Variants in DPP10 observed in about 807,000 individuals in gnomAD.
The protein encoded by DPP10 is dipeptidyl peptidase like 10.
In DPP10, 33 loss-of-function variants were observed where a neutral mutation model predicts 120.9. The ratio of observed to expected loss-of-function variants is 0.27; its 90% CI spans 0.21 to 0.37. The LOEUF is 0.37. Among genes scored for constraint, DPP10 ranks in the 10% least tolerant of loss-of-function variants. The pLI, the probability that DPP10 is intolerant of heterozygous loss-of-function variation, is 1.00. For synonymous variants in DPP10, 337 were observed against 326.1 expected, an observed-to-expected ratio of 1.03 and a Z score of -0.36; for missense variants, 816 against 942.8, an observed-to-expected ratio of 0.87 and a Z score of 1.76.
intron 1 of DPP10, among the ~76,000 whole-genome samples, chr2:114,663,271 T>TATATATATAC (rs375462897): frequency 0.032 from 4,765 of 146,724 alleles, 175 homozygotes; most frequent in Admixed American, 0.1. Context: ...TATATATATA[T>TATATATATAC]ACACACACAT....
intron 1 of DPP10, among the ~76,000 whole-genome samples, chr2:114,905,149 ATTTC>A (rs1437763680): frequency 8.6e-5 from 13 of 151,376 alleles, no homozygotes; most frequent in African/African-American, 3.2e-4. Context: ...AATTCTAATA[ATTTC>A]TTTATATTTT....
chr2:115,053,082 T>A (rs1221053939), intron 1 of DPP10, among the ~76,000 whole-genome samples: 7 of 152,048 alleles, frequency 4.6e-5, no homozygotes, highest in Admixed American at 6.5e-5. Context: ...TTCCAAAACC[T>A]AAACGTAAAG....
intron 1 of DPP10, among the ~76,000 whole-genome samples, chr2:114,537,632 T>A (rs1035871106): frequency 2.0e-5 from 3 of 152,088 alleles, no homozygotes; most frequent in African/African-American, 7.2e-5. Flanking sequence ...TGGGGCAGAG[T>A]ATGCTTTTCA....
chr2:114,486,884 C>G (rs1681566735), intron 1 of DPP10, among the ~76,000 whole-genome samples: 1 of 152,106 alleles, frequency 6.6e-6, no homozygotes, highest in South Asian at 2.1e-4. Flanking sequence ...AACCAATCAA[C>G]CATTTCAATC....
chr2:114,530,096 C>T (rs892167275), intron 1 of DPP10, among the ~76,000 whole-genome samples: 9 of 152,118 alleles, frequency 5.9e-5, no homozygotes, highest in African/African-American at 1.9e-4. Context: ...CACTTTATGA[C>T]ATTTCTGCCA....
intron 5 of DPP10, among the ~76,000 whole-genome samples, chr2:115,633,315 G>T (rs1304909931): frequency 6.6e-6 from 1 of 152,086 alleles, no homozygotes. Context: ...ATCATTCTCA[G>T]CAAACTATCG....
intron 8 of DPP10, among the ~76,000 whole-genome samples, chr2:115,737,699 G>C (rs1352969386): frequency 6.6e-6 from 1 of 152,070 alleles, no homozygotes; most frequent in South Asian, 2.1e-4. Context: ...AGCTTGCCTG[G>C]GATATAGAAC....
At chr2:115,263,178 C>G (rs2105763835) in intron 1 of DPP10, among the ~76,000 whole-genome samples, 1 of 152,266 alleles carries the variant, frequency 6.6e-6, no homozygotes, top group African/African-American at 2.4e-5. Flanking sequence ...AAATTAGGAT[C>G]ACAAACATGT....
intron 3 of DPP10, among the ~76,000 whole-genome samples, chr2:115,492,967 T>A (rs530728230): frequency 6.6e-6 from 1 of 152,254 alleles, no homozygotes; most frequent in South Asian, 2.1e-4. Flanking sequence ...GGTGTATTTA[T>A]TAGTGGGCAT....
intron 4 of DPP10, among the ~76,000 whole-genome samples, chr2:115,523,984 G>A (rs575359039): frequency 1.3e-5 from 2 of 152,130 alleles, no homozygotes; most frequent in Non-Finnish European, 2.9e-5. Flanking sequence ...TATGTAGATT[G>A]TACAAGATAG....
chr2:114,843,516 A>C (rs531510423), intron 1 of DPP10, among the ~76,000 whole-genome samples: 1 of 152,128 alleles, frequency 6.6e-6, no homozygotes, highest in Admixed American at 6.6e-5. Flanking sequence ...ATATCCTTCT[A>C]TCTATGGCTT....
intron 1 of DPP10, among the ~76,000 whole-genome samples, chr2:114,446,021 T>C (rs561336815): frequency 6.6e-6 from 1 of 152,310 alleles, no homozygotes; most frequent in East Asian, 1.9e-4. Context: ...AACATTCTTT[T>C]AAAAAAAATC....
At chr2:115,245,180 G>A (rs954295329) in intron 1 of DPP10, among the ~76,000 whole-genome samples, 4 of 151,842 alleles carry the variant, frequency 2.6e-5, no homozygotes, top group Admixed American at 6.6e-5. Context: ...TATTTTGTTC[G>A]TTTTTATGGC....
intron 5 of DPP10, among the ~76,000 whole-genome samples, chr2:115,660,472 T>C (rs2149405474): frequency 6.6e-6 from 1 of 152,230 alleles, no homozygotes; most frequent in African/African-American, 2.4e-5. Context: ...GGGATGGAGA[T>C]TTCTCCCCTG....
intron 3 of DPP10, among the ~76,000 whole-genome samples, chr2:115,379,370 T>A (rs1266203534): frequency 5.3e-5 from 8 of 152,216 alleles, no homozygotes; most frequent in Non-Finnish European, 1.2e-4. Flanking sequence ...CTGATGGTAG[T>A]TTGTATTTCT....
chr2:114,979,210 A>C (rs1699936796), intron 1 of DPP10, among the ~76,000 whole-genome samples: 1 of 152,120 alleles, frequency 6.6e-6, no homozygotes, highest in Non-Finnish European at 1.5e-5. Context: ...TTTATTAAAA[A>C]TGTTAATCAG....
intron 1 of DPP10, among the ~76,000 whole-genome samples, chr2:114,445,330 A>G (rs1205973976): frequency 6.6e-6 from 1 of 152,162 alleles, no homozygotes; most frequent in African/African-American, 2.4e-5. Context: ...TAGAAATTCA[A>G]AAACCTCTAG....
intron 1 of DPP10, among the ~76,000 whole-genome samples, chr2:114,509,020 GAGAGAGAGAGAGAGAA>G (rs1401132446): frequency 6.6e-6 from 1 of 152,004 alleles, no homozygotes; most frequent in Non-Finnish European, 1.5e-5. Flanking sequence ...GTGAGAAAGA[GAGAGAGAGAGAGAGAA>G]AGAGAGAGAG....
chr2:115,459,071 GTATTAAACTTAGACGTACTGTTGGTGA>G (rs1405425342), intron 3 of DPP10, among the ~76,000 whole-genome samples: 1 of 151,944 alleles, frequency 6.6e-6, no homozygotes, highest in Non-Finnish European at 1.5e-5. Flanking sequence ...GTTAGCAACT[GTATTAAACTTAGACGTACTGTTGGTGA>G]TTTGGGTGGA....
Sources: allele counts gnomAD v4.1 joint callset (sites outside exome capture counted in the v4.1 genomes callset), GRCh38; gene constraint gnomAD v4.1.1; transcripts MANE v1.5; gene names NCBI Gene and HGNC (gene_info 2026-07-23, HGNC 2026-07-21).